The following GAP43 variants were observed in gnomAD, a reference collection of about 807,000 sequenced individuals.
The protein encoded by GAP43 is neuromodulin.
GAP43 carries 6 observed loss-of-function variants against 18.6 expected under a neutral mutation model. The ratio of observed to expected loss-of-function variants is 0.32; its 90% CI spans 0.18 to 0.64. The LOEUF (loss-of-function observed/expected upper bound fraction) is 0.64. Ranked by LOEUF, GAP43 falls within the 30% of genes least tolerant of loss-of-function variation. The probability of loss-of-function intolerance (pLI) is 0.78; values close to 1 mark genes in which losing one functional copy is unlikely to be tolerated. For synonymous variants in GAP43, 115 were observed against 111.4 expected (o/e 1.03, Z -0.20); for missense variants, 292 against 295.5 (o/e 0.99, Z 0.09).
chr3:115,636,059 T>C (rs1708325969), intron 1 of GAP43, among the ~76,000 whole-genome samples: 1 of 152,108 alleles, frequency 6.6e-6, no homozygotes, highest in Non-Finnish European at 1.5e-5. Flanking sequence ...ATAGTAAAAC[T>C]CCATCTGTAA....
chr3:115,664,021 T>A, intron 1 of GAP43: 1 of 1,061,244 alleles, frequency 9.4e-7, no homozygotes, highest in Non-Finnish European at 1.4e-6. Context: ...ATTACTTAAC[T>A]AATGTCCTTC....
intron 1 of GAP43, chr3:115,659,110 G>C (rs1333750456): frequency 1.3e-5 from 2 of 152,458 alleles, no homozygotes; most frequent in African/African-American, 4.8e-5. Context: ...TCTCTAACAG[G>C]GCCAGGGGAG....
chr3:115,699,901 G>C (rs999526386), intron 2 of GAP43, among the ~76,000 whole-genome samples: 1 of 152,084 alleles, frequency 6.6e-6, no homozygotes, highest in African/African-American at 2.4e-5. Context: ...CACAGTGTCT[G>C]GGCAATCAAT....
At chr3:115,632,262 G>T (rs1708269683) in intron 1 of GAP43, among the ~76,000 whole-genome samples, 1 of 151,988 alleles carries the variant, frequency 6.6e-6, no homozygotes, top group South Asian at 2.1e-4. Context: ...CAGAAGAGTG[G>T]AGAGAAAATG....
At chr3:115,697,475 C>T (rs994096316) in intron 2 of GAP43, among the ~76,000 whole-genome samples, 2 of 152,242 alleles carry the variant, frequency 1.3e-5, no homozygotes, top group South Asian at 2.1e-4. Flanking sequence ...TCCTAATGAC[C>T]GGAAGATGAT....
At chr3:115,648,287 A>G (rs11916678) in intron 1 of GAP43, among the ~76,000 whole-genome samples, 8,425 of 152,044 alleles carry the variant, frequency 0.055, 511 homozygotes, top group East Asian at 0.15. Context: ...CCTATCTGAT[A>G]TGCTGTCCTC....
intron 2 of GAP43, among the ~76,000 whole-genome samples, chr3:115,688,455 TA>T (rs1313275288): frequency 6.8e-6 from 1 of 147,534 alleles, no homozygotes; most frequent in Non-Finnish European, 1.5e-5. Flanking sequence ...GGATACTATT[TA>T]AAAAACTCTA....
chr3:115,713,977 T>C (rs527608488), intron 2 of GAP43, among the ~76,000 whole-genome samples: 6 of 152,188 alleles, frequency 3.9e-5, no homozygotes, highest in African/African-American at 1.4e-4. Context: ...TAGGGCTGAG[T>C]GCTTCTTATC....
intron 2 of GAP43, among the ~76,000 whole-genome samples, chr3:115,701,812 T>G (rs1012176580): frequency 2.0e-5 from 3 of 152,128 alleles, no homozygotes; most frequent in African/African-American, 7.2e-5. Flanking sequence ...CTTCCTCCCA[T>G]TGGCTATTAC....
chr3:115,628,715 C>T (rs762281282), intron 1 of GAP43, among the ~76,000 whole-genome samples: 12 of 152,136 alleles, frequency 7.9e-5, no homozygotes, highest in African/African-American at 2.9e-4. Context: ...ATAGGCTTCT[C>T]TTGCTCTCTT....
intron 1 of GAP43, among the ~76,000 whole-genome samples, chr3:115,669,434 T>C (rs935559999): frequency 1.3e-5 from 2 of 152,228 alleles, no homozygotes; most frequent in African/African-American, 4.8e-5. Flanking sequence ...ATCCAATAAA[T>C]ATTAATTGAG....
intron 2 of GAP43, among the ~76,000 whole-genome samples, chr3:115,677,018 G>C (rs1171919728): frequency 1.3e-5 from 2 of 152,186 alleles, no homozygotes; most frequent in Admixed American, 1.3e-4. Context: ...TTTGGCTCTA[G>C]AAAATGCCTG....
rs1406573532 is a variant in GAP43, at chr3:115,721,414, A to G, written c.*532A>G. The stretch of plus-strand genomic sequence containing the variant: ...ATAAATAAATAAAGCAAATGTGCCA[A>G]TTAGCGTAAACTTGCGGCTCTAAGG... On this transcript the variant is annotated 3_prime_UTR_variant, in exon 3 of 3. Transcript: ENST00000305124. The G allele has an allele frequency of 1.3e-5, 2 of 152,270 alleles. No individual in the cohort carries two copies. The highest frequency in any genetic ancestry group is 3.8e-4 in the East Asian group (2 of 5,206). The allele number at this position is 152,270 out of a possible 1,614,324, so 9.4% of individuals were successfully genotyped here.
intron 2 of GAP43, among the ~76,000 whole-genome samples, chr3:115,704,921 T>C (rs1342751666): frequency 6.6e-6 from 1 of 152,174 alleles, no homozygotes; most frequent in Non-Finnish European, 1.5e-5. Context: ...CATGAACAAC[T>C]ACAAGCTGAG....
chr3:115,644,492 C>T lies in GAP43; in HGVS notation c.30+20773C>T, dbSNP rs1708434969. ...GAGCATCCATTCCACACCCTATTTC[C>T]ATTCCCAGTTAATCTTCAAAGAGTC... On this transcript the variant is annotated intron_variant, in intron 1 of 2. Coordinates refer to ENST00000305124, the MANE Select transcript of GAP43 (RefSeq NM_002045.4). The surrounding 1 kb of genome is among the most constrained non-coding windows in gnomAD (Gnocchi z 4.2). Among the ~76,000 whole-genome samples the T allele has an allele frequency of 6.6e-6, 1 of 151,974 alleles. No individual in the cohort carries two copies. Among genetic ancestry groups the T allele is most frequent in the South Asian group, 2.1e-4 (1 of 4,824 alleles).
chr3:115,691,261 C>T (rs1709107282), intron 2 of GAP43, among the ~76,000 whole-genome samples: 1 of 152,124 alleles, frequency 6.6e-6, no homozygotes, highest in Non-Finnish European at 1.5e-5. Context: ...GATACTGCAA[C>T]AATAGACAGA....
chr3:115,666,760 G>T (rs1435730095), intron 1 of GAP43, among the ~76,000 whole-genome samples: 4 of 152,240 alleles, frequency 2.6e-5, no homozygotes, highest in South Asian at 2.1e-4. Context: ...ATGCTCTTAA[G>T]CACCAGGGAA....
chr3:115,698,027 G>GTATATAAAATATATATTATATAT (rs746738475), intron 2 of GAP43, among the ~76,000 whole-genome samples: 1 of 77,558 alleles, frequency 1.3e-5, no homozygotes, highest in East Asian at 2.9e-4. Context: ...TATATAACAT[G>GTATATAAAATATATATTATATAT]TATATAAAAT....
intron 1 of GAP43, among the ~76,000 whole-genome samples, chr3:115,648,793 A>T (rs1708490494): frequency 6.6e-6 from 1 of 152,180 alleles, no homozygotes; most frequent in Admixed American, 6.5e-5. Context: ...AAGAAAGAGC[A>T]GTTAGTAAAA....
Sources: allele counts gnomAD v4.1 joint callset (sites outside exome capture counted in the v4.1 genomes callset), GRCh38; gene constraint gnomAD v4.1.1; non-coding constraint Gnocchi (gnomAD v3.1); transcripts MANE v1.5; gene names NCBI Gene and HGNC (gene_info 2026-07-23, HGNC 2026-07-21).